Variants in CASC3 observed in about 807,000 individuals in gnomAD.
The protein encoded by CASC3 is protein CASC3.
Under a neutral mutation model 80.5 loss-of-function variants are expected in CASC3, and 30 were observed. The ratio of observed to expected loss-of-function variants is 0.37; its 90% confidence interval spans 0.28 to 0.51. The LOEUF is 0.51. CASC3 is among the 20% of genes least tolerant of loss of function. CASC3 has a pLI of 0.94. For synonymous variants in CASC3, 312 were observed against 333.6 expected, an observed-to-expected ratio of 0.94 and a Z score of 0.70; for missense variants, 824 against 922.2, an observed-to-expected ratio of 0.89 and a Z score of 1.38.
Position 40,140,790 on chromosome 17 carries a change from G to T in CASC3, c.231+11G>T. On this transcript the variant is annotated intron_variant, in intron 1 of 13. Coordinates refer to ENST00000264645, the MANE Select transcript of CASC3 (RefSeq NM_007359.5). ...GAGGAGTCGGAGTGTGTGAGTGCGC[G>T]CAGGCGGGGCGGGGTGGGGACCGGG... 7.0e-7 allele frequency: 1 copy of T among 1,419,134 alleles called. No individual in the cohort carries two copies. Among genetic ancestry groups the T allele is most frequent in the South Asian group, 1.5e-5 (1 of 66,806 alleles). The allele number at this position is 1,419,134 out of a possible 1,614,324, so 87.9% of individuals were successfully genotyped here.
At chr17:40,150,426 G>A (rs568817557) in intron 3 of CASC3, among the ~76,000 whole-genome samples, 5 of 151,858 alleles carry the variant, frequency 3.3e-5, no homozygotes, top group African/African-American at 9.7e-5. Flanking sequence ...GTGTGTGTGT[G>A]TGTGTGTGTG....
rs1989580025 is a variant in CASC3, at chr17:40,171,002, T to C, written c.*597T>C. 1 of 985,434 alleles carries C rather than the reference T, an allele frequency of 1.0e-6. No individual in the cohort carries two copies. The highest frequency in any genetic ancestry group is 1.2e-6 in the Non-Finnish European group (1 of 829,950). 61.0% of individuals were successfully genotyped at this position (985,434 alleles called of 1,614,324 possible). On this transcript the variant is annotated 3_prime_UTR_variant, in exon 14 of 14. Coordinates refer to ENST00000264645, the MANE Select transcript of CASC3 (RefSeq NM_007359.5). The stretch of plus-strand genomic sequence containing the variant: ...CTTCCCCACCAAGTCTAAAAAGACC[T>C]GGCCTTTCACTTTTAGTTGGCATTT...
chr17:40,166,362 C>T (rs144335270), intron 7 of CASC3, among the ~76,000 whole-genome samples: 1 of 152,286 alleles, frequency 6.6e-6, no homozygotes, highest in East Asian at 1.9e-4. Flanking sequence ...TTCAAACTTC[C>T]AACCCAGACC....
At chr17:40,159,544 G>GTTTTTTTT (rs368113645) in intron 3 of CASC3, among the ~76,000 whole-genome samples, 1 of 112,852 alleles carries the variant, frequency 8.9e-6, no homozygotes, top group Non-Finnish European at 1.8e-5. Flanking sequence ...TTCATTGTGT[G>GTTTTTTTT]TTTTTTTTTT....
intron 3 of CASC3, among the ~76,000 whole-genome samples, chr17:40,152,938 G>A (rs1253870774): frequency 1.3e-5 from 2 of 151,164 alleles, no homozygotes; most frequent in South Asian, 2.1e-4. Context: ...CACCACGCCC[G>A]GCTAATTTTT....
intron 3 of CASC3, among the ~76,000 whole-genome samples, chr17:40,147,487 A>G (rs1252360123): frequency 6.6e-6 from 1 of 152,050 alleles, no homozygotes; most frequent in Non-Finnish European, 1.5e-5. Context: ...AAAGAAAAGT[A>G]GAAAAAAAAA....
rs1411156009 is a variant in CASC3 at position 40,164,120 on chromosome 17, T to C, written c.1425T>C (p.Asn475=). 4.5e-5 allele frequency: 73 copies of C among 1,612,454 alleles called. No individual in the cohort carries two copies. Among genetic ancestry groups the C allele is most frequent in the Non-Finnish European group, 6.0e-5 (71 of 1,179,804 alleles). Residue 475 remains asparagine, a synonymous_variant, in exon 7 of 14, where the codon AAT becomes AAC. Transcript: ENST00000264645. Reference sequence around the variant, plus strand: ...CACAACTAAATATAGCAGAACAGAATTGGAGTCCGGGGCAGCCTTCTTTCC... The same window carrying C: ...CACAACTAAATATAGCAGAACAGAACTGGAGTCCGGGGCAGCCTTCTTTCC... The part of the protein sequence containing the change: ...DVAQLNIAEQ[N]WSPGQPSFLQ...
chr17:40,164,896 C>T (rs539554690), intron 7 of CASC3, among the ~76,000 whole-genome samples: 5 of 150,586 alleles, frequency 3.3e-5, no homozygotes, highest in Admixed American at 1.3e-4. Context: ...GCTGGGATTA[C>T]AGGCTCTCAC....
At chr17:40,142,717 T>C (rs1396754054) in intron 3 of CASC3, among the ~76,000 whole-genome samples, 1 of 151,870 alleles carries the variant, frequency 6.6e-6, no homozygotes, top group Non-Finnish European at 1.5e-5. Context: ...TGAAACCCCG[T>C]CCCTACTAAA....
chr17:40,168,569 C>G (rs1462414238), intron 11 of CASC3, 152 bp downstream of exon 11: 2 of 679,584 alleles, frequency 2.9e-6, no homozygotes, highest in East Asian at 2.7e-5. Flanking sequence ...TGGTCAGGAG[C>G]TGGAAATGCA....
rs1211419798 is a variant in CASC3, at chr17:40,171,044, C to G, written c.*639C>G. On this transcript the variant is annotated 3_prime_UTR_variant, in exon 14 of 14. Transcript: ENST00000264645. ...TTGGCATTTGTTATCCTCTTGTATACTTGTATTCCCTTAACTCTAACCCTG... is the reference window on the plus strand; with the variant it reads ...TTGGCATTTGTTATCCTCTTGTATAGTTGTATTCCCTTAACTCTAACCCTG... 3 of 985,408 alleles carry G rather than the reference C, an allele frequency of 3.0e-6. No individual in the cohort carries two copies. The African/African-American group carries it at 5.2e-5, about 17-fold the overall frequency. The allele number at this position is 985,408 out of a possible 1,614,324, so 61.0% of individuals were successfully genotyped here. A position where few individuals can be genotyped will look rare whatever the true frequency, so the allele number is the denominator to read the frequency against.
chr17:40,170,644 T>C lies in CASC3; in HGVS notation c.*239T>C. 2 of 985,536 alleles carry C rather than the reference T, an allele frequency of 2.0e-6. No individual in the cohort carries two copies. Among genetic ancestry groups the C allele is most frequent in the Non-Finnish European group, 2.4e-6 (2 of 829,940 alleles). The allele number at this position is 985,536 out of a possible 1,614,324, so 61.0% of individuals were successfully genotyped here. A position where few individuals can be genotyped will look rare whatever the true frequency, so the allele number is the denominator to read the frequency against. On this transcript the variant is annotated 3_prime_UTR_variant, in exon 14 of 14. Transcript: ENST00000264645. ...CTTCACTCTTCACTTGAGTTGGCTG[T>C]GTTCGGGGGAGCAGAGAGAGCCAGA...
intron 3 of CASC3, among the ~76,000 whole-genome samples, chr17:40,147,735 G>C (rs940806523): frequency 3.3e-5 from 5 of 152,206 alleles, no homozygotes; most frequent in Admixed American, 6.5e-5. Context: ...CAGGAGAAGA[G>C]TTCTGGAAGG....
chr17:40,152,009 T>G (rs1039108825), intron 3 of CASC3, among the ~76,000 whole-genome samples: 1 of 152,246 alleles, frequency 6.6e-6, no homozygotes, highest in African/African-American at 2.4e-5. Flanking sequence ...ATGTGTACAT[T>G]GTGGAGTACC....
At chr17:40,166,999 C>A in intron 8 of CASC3, 138 bp downstream of exon 8, 1 of 641,560 alleles carries the variant, frequency 1.6e-6, no homozygotes, top group Non-Finnish European at 2.5e-6. Flanking sequence ...CGCTCTGTTG[C>A]CCAGGCTAGA....
intron 3 of CASC3, among the ~76,000 whole-genome samples, chr17:40,155,198 C>CT (rs1418463930): frequency 6.6e-6 from 1 of 151,630 alleles, no homozygotes; most frequent in South Asian, 2.1e-4. Flanking sequence ...CAACTTCATT[C>CT]TTTTGCACGT....
intron 3 of CASC3, among the ~76,000 whole-genome samples, chr17:40,146,434 T>C (rs1461486795): frequency 8.1e-6 from 1 of 123,916 alleles, no homozygotes; most frequent in African/African-American, 4.3e-5. Context: ...TACGATTTCT[T>C]TTTTTTTTTT....
At chr17:40,159,219 A>G (rs1202509559) in intron 3 of CASC3, among the ~76,000 whole-genome samples, 1 of 152,166 alleles carries the variant, frequency 6.6e-6, no homozygotes, top group Non-Finnish European at 1.5e-5. Context: ...CCTGGGCGAC[A>G]GAGTGAGACC....
intron 7 of CASC3, among the ~76,000 whole-genome samples, chr17:40,165,061 C>T (rs1452771265): frequency 6.6e-6 from 1 of 151,262 alleles, no homozygotes; most frequent in African/African-American, 2.4e-5. Context: ...GCTGGGACTA[C>T]AGGCGCCCAC....
Sources: allele counts gnomAD v4.1 joint callset (sites outside exome capture counted in the v4.1 genomes callset), GRCh38; gene constraint gnomAD v4.1.1; transcripts MANE v1.5; gene names NCBI Gene and HGNC (gene_info 2026-07-23, HGNC 2026-07-21).